GATAD2B: variants seen among roughly 807,000 people sequenced by gnomAD.
The protein encoded by GATAD2B is transcriptional repressor p66-beta.
A neutral mutation model predicts 64.3 loss-of-function variants in GATAD2B; 8 were observed. That is an observed-to-expected ratio of 0.12 (90% CI 0.07 to 0.22). The LOEUF (loss-of-function observed/expected upper bound fraction) is 0.22, where lower values mean the gene tolerates loss of function less well. Ranked by LOEUF, GATAD2B falls within the 10% of genes least tolerant of loss-of-function variation. GATAD2B has a pLI of 1.00. For synonymous variants in GATAD2B, 281 were observed against 271.3 expected (o/e 1.04, Z -0.35); for missense variants, 453 against 752.0 (o/e 0.60, Z 4.65).
At chr1:153,902,134 G>A (rs1677798540) in intron 1 of GATAD2B, among the ~76,000 whole-genome samples, 1 of 151,976 alleles carries the variant, frequency 6.6e-6, no homozygotes, top group South Asian at 2.1e-4. Context: ...TACAAAATTA[G>A]CTGGGCATGG....
At chr1:153,883,619 G>GT (rs1677069892) in intron 1 of GATAD2B, among the ~76,000 whole-genome samples, 1 of 152,062 alleles carries the variant, frequency 6.6e-6, no homozygotes, top group Non-Finnish European at 1.5e-5. Context: ...GTTGATGATG[G>GT]TAAGTATGAT....
intron 1 of GATAD2B, among the ~76,000 whole-genome samples, chr1:153,916,495 T>C (rs1278552676): frequency 1.3e-5 from 2 of 152,192 alleles, no homozygotes; most frequent in East Asian, 3.8e-4. Flanking sequence ...GAAGAAATGA[T>C]GTTGGAAATG....
At chr1:153,815,112 A>AAAAC (rs1674418574) in intron 7 of GATAD2B, among the ~76,000 whole-genome samples, 4 of 112,524 alleles carry the variant, frequency 3.6e-5, no homozygotes, top group African/African-American at 1.3e-4. Context: ...AAAAAAAAAA[A>AAAAC]CCAACAAAGA....
chr1:153,817,350 T>G, intron 6 of GATAD2B, 22 bp downstream of exon 6: 3 of 1,507,970 alleles, frequency 2.0e-6, no homozygotes, highest in Non-Finnish European at 2.7e-6. Context: ...TGTTTCCACA[T>G]TAGGGCTCAG....
At chr1:153,880,410 T>C (rs1676973865) in intron 1 of GATAD2B, among the ~76,000 whole-genome samples, 1 of 151,532 alleles carries the variant, frequency 6.6e-6, no homozygotes, top group Non-Finnish European at 1.5e-5. Context: ...GGGGTTGCAA[T>C]GAGCAAAGAT....
intron 1 of GATAD2B, among the ~76,000 whole-genome samples, chr1:153,832,280 C>T (rs1675106486): frequency 1.3e-5 from 2 of 151,856 alleles, no homozygotes; most frequent in Non-Finnish European, 2.9e-5. Flanking sequence ...ATTAAAAGTG[C>T]TATTCCAATG....
At chr1:153,817,242 C>A in intron 6 of GATAD2B, 130 bp downstream of exon 6, 1 of 813,944 alleles carries the variant, frequency 1.2e-6, no homozygotes, top group Non-Finnish European at 1.9e-6. Flanking sequence ...CAATTAAATC[C>A]CTACCAAAAT....
chr1:153,895,850 T>A (rs144006156), intron 1 of GATAD2B, among the ~76,000 whole-genome samples: 147 of 151,966 alleles, frequency 9.7e-4, no homozygotes, highest in African/African-American at 3.3e-3. Context: ...ACTCTGGAAA[T>A]AAGAAAGGCT....
chr1:153,910,091 G>A (rs550723152), intron 1 of GATAD2B, among the ~76,000 whole-genome samples: 1 of 152,094 alleles, frequency 6.6e-6, no homozygotes, highest in African/African-American at 2.4e-5. Context: ...CTCCAGCCTG[G>A]CAACAGAGTG....
At chr1:153,820,051 T>C (rs939861751) in intron 2 of GATAD2B, among the ~76,000 whole-genome samples, 7 of 150,480 alleles carry the variant, frequency 4.7e-5, no homozygotes, top group African/African-American at 1.7e-4. Context: ...TGAGCCAAGA[T>C]TGCACCACTG....
chr1:153,852,257 T>A, intron 1 of GATAD2B: 1 of 1,231,086 alleles, frequency 8.1e-7, no homozygotes, highest in Non-Finnish European at 1.2e-6. Flanking sequence ...TCAAGTCATC[T>A]AAAGATTCCT....
At chr1:153,897,038 T>C (rs1277591214) in intron 1 of GATAD2B, among the ~76,000 whole-genome samples, 1 of 151,770 alleles carries the variant, frequency 6.6e-6, no homozygotes, top group Non-Finnish European at 1.5e-5. Flanking sequence ...GAACACTTTT[T>C]TTTTTTTTTT....
At chr1:153,896,828 G>T (rs1318903130) in intron 1 of GATAD2B, among the ~76,000 whole-genome samples, 2 of 152,048 alleles carry the variant, frequency 1.3e-5, no homozygotes, top group Non-Finnish European at 2.9e-5. Flanking sequence ...GCTATATTCT[G>T]CTAACACATC....
intron 4 of GATAD2B, 31 bp from the exon 5 acceptor site, chr1:153,818,202 G>C (rs374437407): frequency 6.4e-7 from 1 of 1,556,194 alleles, no homozygotes; most frequent in Non-Finnish European, 8.7e-7. Context: ...TAAGACTGTG[G>C]CCAATAATCA....
chr1:153,859,808 C>T (rs375062946), intron 1 of GATAD2B, among the ~76,000 whole-genome samples: 4 of 151,612 alleles, frequency 2.6e-5, no homozygotes, highest in Non-Finnish European at 4.4e-5. Flanking sequence ...CCTTTAATAG[C>T]GTCCTAGTTT....
At chr1:153,879,043 G>A (rs1256393718) in intron 1 of GATAD2B, among the ~76,000 whole-genome samples, 1 of 151,748 alleles carries the variant, frequency 6.6e-6, no homozygotes, top group South Asian at 2.1e-4. Flanking sequence ...GGGTTCAAGC[G>A]ATTCTCCTGC....
intron 1 of GATAD2B, among the ~76,000 whole-genome samples, chr1:153,843,438 C>CA (rs150739276): frequency 0.053 from 7,852 of 148,064 alleles, 353 homozygotes; most frequent in South Asian, 0.17. Flanking sequence ...GCGACATTTA[C>CA]AAAAAAAAAA....
rs571481584 is a variant in GATAD2B at position 153,865,606 on chromosome 1, A to G, written c.-1-37258T>C. Among the ~76,000 whole-genome samples the G allele has an allele frequency of 3.3e-5, 5 of 152,376 alleles. No individual in the cohort carries two copies. In the South Asian group the frequency reaches 1.0e-3, roughly 32 times the overall value. ...GTGATGACGTGGAACATTCTGTTAC[A>G]TAAGTAAAGACTTTTAATCAATTAT... On this transcript the variant is annotated intron_variant, in intron 1 of 10. Coordinates refer to ENST00000368655, the MANE Select transcript of GATAD2B (RefSeq NM_020699.4).
intron 1 of GATAD2B, among the ~76,000 whole-genome samples, chr1:153,896,936 G>A (rs904881532): frequency 1.3e-5 from 2 of 151,872 alleles, no homozygotes; most frequent in Non-Finnish European, 2.9e-5. Flanking sequence ...ATTTTTGAAG[G>A]ATCTTTTCAA....
Sources: gnomAD v4.1 joint callset for allele counts (sites outside exome capture counted in the v4.1 genomes callset) on GRCh38, gnomAD v4.1.1 for gene constraint, MANE v1.5 for transcripts, NCBI Gene and HGNC (gene_info 2026-07-23, HGNC 2026-07-21) for gene names.